CX3CR1: variants seen among roughly 807,000 people sequenced by gnomAD.
CX3CR1 encodes CX3C chemokine receptor 1.
For missense variants in CX3CR1, 363 were observed against 432.4 expected, an observed-to-expected ratio of 0.84 and a Z score of 1.42; for synonymous variants, 168 against 178.5, an observed-to-expected ratio of 0.94 and a Z score of 0.47.
the CX3CR1 span, among the ~76,000 whole-genome samples, chr3:39,292,552 A>T: frequency 2.0e-5 from 3 of 152,228 alleles, no homozygotes; most frequent in African/African-American, 7.2e-5. Flanking sequence ...AGGCACAGAG[A>T]TAATAACAGT....
upstream of CX3CR1, among the ~76,000 whole-genome samples, chr3:39,284,168 A>T (rs1003763077): frequency 6.6e-6 from 1 of 151,700 alleles, no homozygotes; most frequent in African/African-American, 2.4e-5. Flanking sequence ...CTGAGAAACC[A>T]TTGTCTAAGT....
upstream of CX3CR1, chr3:39,281,139 C>T: frequency 2.0e-6 from 2 of 1,002,978 alleles, no homozygotes; most frequent in Non-Finnish European, 2.4e-6. Flanking sequence ...GAGCTGGGGG[C>T]TGCAGTGCAG....
At chr3:39,286,803 A>G in the CX3CR1 span, 1 of 152,246 alleles carries the variant, frequency 6.6e-6, no homozygotes, top group Non-Finnish European at 1.5e-5. Flanking sequence ...CACCTCAGCT[A>G]CACTTTTTCA....
chr3:39,284,618 C>T (rs2040932032), upstream of CX3CR1, among the ~76,000 whole-genome samples: 3 of 152,350 alleles, frequency 2.0e-5, no homozygotes, highest in South Asian at 2.1e-4. Context: ...AAGGAAAAGA[C>T]GTACATCAAG....
chr3:39,283,101 G>C (rs1236673590), upstream of CX3CR1, among the ~76,000 whole-genome samples: 1 of 152,126 alleles, frequency 6.6e-6, no homozygotes, highest in Admixed American at 6.5e-5. Context: ...CATGTACCCA[G>C]GCTGCTCTTG....
chr3:39,266,865 C>A (rs1448995533), intron 1 of CX3CR1, among the ~76,000 whole-genome samples: 1 of 152,038 alleles, frequency 6.6e-6, no homozygotes, highest in Non-Finnish European at 1.5e-5. Flanking sequence ...TCACTGCAAC[C>A]TCTGTCCCCT....
intron 1 of CX3CR1, among the ~76,000 whole-genome samples, chr3:39,275,422 G>A (rs907409835): frequency 1.3e-5 from 2 of 152,282 alleles, no homozygotes; most frequent in East Asian, 1.9e-4. Context: ...TTTCCTCTGG[G>A]TAGAGCCAGT....
At chr3:39,280,250 C>G (rs2040880129), upstream of CX3CR1, 10 of 985,678 alleles carry the variant, frequency 1.0e-5, no homozygotes, top group South Asian at 4.2e-4. Flanking sequence ...GCCACTTACC[C>G]CAACCTGGAG....
At chr3:39,270,819 T>A (rs1160241404) in intron 1 of CX3CR1, among the ~76,000 whole-genome samples, 1 of 152,162 alleles carries the variant, frequency 6.6e-6, no homozygotes, top group Admixed American at 6.5e-5. Context: ...GTTTGGAATT[T>A]TAAAATAAAA....
intron 1 of CX3CR1, among the ~76,000 whole-genome samples, chr3:39,279,005 AC>A (rs1306499801): frequency 2.0e-5 from 3 of 152,226 alleles, no homozygotes; most frequent in African/African-American, 7.2e-5. Flanking sequence ...TACTAAAAAT[AC>A]AAAATTAGCC....
chr3:39,288,758 C>A, the CX3CR1 span, among the ~76,000 whole-genome samples: 1 of 152,192 alleles, frequency 6.6e-6, no homozygotes, highest in African/African-American at 2.4e-5. Flanking sequence ...ATGAGCCAGC[C>A]GGCCCACAAT....
the CX3CR1 span, among the ~76,000 whole-genome samples, chr3:39,292,457 T>TCC: frequency 2.0e-5 from 3 of 152,184 alleles, no homozygotes; most frequent in Non-Finnish European, 2.9e-5. Context: ...GTTTTCATAC[T>TCC]CCTCATCTCT....
intron 1 of CX3CR1, among the ~76,000 whole-genome samples, chr3:39,272,715 G>A (rs1170884683): frequency 6.6e-6 from 1 of 152,178 alleles, no homozygotes; most frequent in Admixed American, 6.5e-5. Flanking sequence ...CTGGTGCCAA[G>A]AAAATTGTGA....
intron 1 of CX3CR1, among the ~76,000 whole-genome samples, chr3:39,273,637 CAGAA>C (rs1461300069): frequency 6.6e-6 from 1 of 152,156 alleles, no homozygotes; most frequent in Non-Finnish European, 1.5e-5. Flanking sequence ...AAGAATCAAA[CAGAA>C]GGAAACTGTT....
At chr3:39,270,372 A>G (rs1408548019) in intron 1 of CX3CR1, among the ~76,000 whole-genome samples, 1 of 152,250 alleles carries the variant, frequency 6.6e-6, no homozygotes, top group East Asian at 1.9e-4. Context: ...CTTCAAATAT[A>G]AATGAAGGGA....
rs1366616582 is a variant in CX3CR1, at chr3:39,266,473, C to CA, written c.36dup (p.Glu13Ter). 1.2e-6 allele frequency: 2 copies of CA among 1,613,898 alleles called. No homozygotes were observed. The highest frequency in any genetic ancestry group is 2.2e-5 in the East Asian group (1 of 44,896). On this transcript the variant is annotated frameshift_variant, in exon 2 of 2. Coordinates refer to ENST00000399220, the MANE Select transcript of CX3CR1 (RefSeq NM_001337.4). LOFTEE classifies it low-confidence loss of function (END_TRUNC). ...CAGGCCTCAGCCAAATCATCGTACT[C>CA]AAAGTTTTCTGTCACTGATTCAGGG...
At chr3:39,276,949 G>A (rs1046550362) in intron 1 of CX3CR1, among the ~76,000 whole-genome samples, 1 of 152,044 alleles carries the variant, frequency 6.6e-6, no homozygotes, top group African/African-American at 2.4e-5. Flanking sequence ...AGGCTTCTGG[G>A]GTTCTCTTTC....
At chr3:39,273,589 A>G (rs2040804598) in intron 1 of CX3CR1, among the ~76,000 whole-genome samples, 1 of 152,210 alleles carries the variant, frequency 6.6e-6, no homozygotes, top group Admixed American at 6.5e-5. Flanking sequence ...GACCACCTCT[A>G]AGAGCCTTGC....
intron 1 of CX3CR1, among the ~76,000 whole-genome samples, chr3:39,267,048 T>A (rs1355764931): frequency 1.3e-5 from 2 of 152,138 alleles, no homozygotes; most frequent in Non-Finnish European, 2.9e-5. Context: ...CCTCCCAAAA[T>A]GCTAGGATTA....
Sources: gnomAD v4.1 joint callset for allele counts (sites outside exome capture counted in the v4.1 genomes callset) on GRCh38, gnomAD v4.1.1 for gene constraint, MANE v1.5 for transcripts, NCBI Gene and HGNC (gene_info 2026-07-23, HGNC 2026-07-21) for gene names.